The following CLYBL variants were observed in gnomAD, a reference collection of about 807,000 sequenced individuals.
CLYBL encodes the protein citramalyl-CoA lyase, mitochondrial.
A neutral mutation model predicts 38.9 loss-of-function variants in CLYBL; 31 were observed. That is an observed-to-expected ratio of 0.80 (90% confidence interval 0.60 to 1.08). CLYBL has a LOEUF of 1.08. CLYBL is among the 50% of genes least tolerant of loss of function. The pLI is 0.00. For missense variants in CLYBL, 434 were observed against 411.6 expected (o/e 1.05, Z -0.47); for synonymous variants, 171 against 158.6 (o/e 1.08, Z -0.59).
intron 2 of CLYBL, among the ~76,000 whole-genome samples, chr13:99,774,334 A>C (rs1022979933): frequency 1.3e-5 from 2 of 152,186 alleles, no homozygotes; most frequent in African/African-American, 2.4e-5. Flanking sequence ...GTTTTGCTCA[A>C]CTTTGTTTTC....
At chr13:99,735,946 T>G (rs2048658933) in intron 1 of CLYBL, among the ~76,000 whole-genome samples, 1 of 151,968 alleles carries the variant, frequency 6.6e-6, no homozygotes, top group Non-Finnish European at 1.5e-5. Flanking sequence ...ATATCTCTTT[T>G]CAACACAATT....
chr13:99,777,250 T>C (rs1382352955), intron 2 of CLYBL, among the ~76,000 whole-genome samples: 1 of 152,168 alleles, frequency 6.6e-6, no homozygotes, highest in African/African-American at 2.4e-5. Context: ...ATCCAATCTT[T>C]TCACGCAGAT....
At chr13:99,622,201 C>T (rs150692177) in intron 1 of CLYBL, among the ~76,000 whole-genome samples, 5 of 152,364 alleles carry the variant, frequency 3.3e-5, no homozygotes, top group East Asian at 1.9e-4. Flanking sequence ...CAGGGCCAGT[C>T]GCCCCAACTC....
downstream of CLYBL, among the ~76,000 whole-genome samples, chr13:99,898,987 G>A (rs1396838742): frequency 6.6e-6 from 1 of 152,192 alleles, no homozygotes; most frequent in Non-Finnish European, 1.5e-5. Context: ...ATCAGGACCT[G>A]AGTCTCCCTC....
Position 99,720,653 on chromosome 13 carries a change from A to G in CLYBL, c.63-52171A>G, listed in dbSNP as rs188739052. ...TTAGTTGCGTTCAAGGCTAAAAGCT[A>G]TATTCTCTCAATACTTTGAAAATAC... On this transcript the variant is annotated intron_variant, in intron 1 of 8. Transcript: ENST00000339105. 3.3e-5 allele frequency among the ~76,000 whole-genome samples: 5 copies of G among 152,330 alleles called. No homozygotes were observed. The East Asian group carries it at 9.6e-4, about 29-fold the overall frequency.
chr13:99,736,038 CTTTTTTTTTTTTTT>C (rs767129851), intron 1 of CLYBL, among the ~76,000 whole-genome samples: 3 of 76,198 alleles, frequency 3.9e-5, no homozygotes, highest in Admixed American at 1.9e-4. Context: ...CGTTTCTTTT[CTTTTTTTTTTTTTT>C]TTTTTTTTTT....
chr13:99,645,545 C>T (rs961587784), intron 1 of CLYBL, among the ~76,000 whole-genome samples: 7 of 150,920 alleles, frequency 4.6e-5, no homozygotes, highest in African/African-American at 1.5e-4. Flanking sequence ...GATATCTTAC[C>T]GTAGTTTTGA....
chr13:99,861,555 A>G (rs1007831849), intron 3 of CLYBL, among the ~76,000 whole-genome samples: 8 of 152,204 alleles, frequency 5.3e-5, no homozygotes, highest in Non-Finnish European at 1.2e-4. Flanking sequence ...CAAATACTAT[A>G]CATTTTATCC....
intron 2 of CLYBL, among the ~76,000 whole-genome samples, chr13:99,822,444 C>T (rs1029649169): frequency 2.0e-5 from 3 of 152,116 alleles, no homozygotes; most frequent in African/African-American, 7.2e-5. Context: ...AGCTGAAAGT[C>T]CCTTTAAGTT....
At chr13:99,811,477 G>A (rs545296088) in intron 2 of CLYBL, among the ~76,000 whole-genome samples, 1 of 152,306 alleles carries the variant, frequency 6.6e-6, no homozygotes, top group South Asian at 2.1e-4. Flanking sequence ...CAATGTCCCT[G>A]TTAACTTGGG....
chr13:99,871,678 A>G (rs967562444), intron 7 of CLYBL, among the ~76,000 whole-genome samples: 8 of 152,182 alleles, frequency 5.3e-5, no homozygotes, highest in African/African-American at 1.9e-4. Flanking sequence ...TAAATATTGC[A>G]GTGGTAATGC....
chr13:99,709,987 T>G (rs9585200), intron 1 of CLYBL, among the ~76,000 whole-genome samples: 38,891 of 145,834 alleles, frequency 0.27, 6,852 homozygotes, highest in African/African-American at 0.51. Context: ...GCAGTGGCGC[T>G]ATCTGGGCTC....
At chr13:99,738,040 G>C (rs561675190) in intron 1 of CLYBL, among the ~76,000 whole-genome samples, 49 of 152,238 alleles carry the variant, frequency 3.2e-4, no homozygotes, top group African/African-American at 9.9e-4. Flanking sequence ...AATTGCCTCC[G>C]GGACATTTTA....
intron 2 of CLYBL, among the ~76,000 whole-genome samples, chr13:99,783,530 C>G (rs961054528): frequency 2.0e-5 from 3 of 151,672 alleles, no homozygotes; most frequent in African/African-American, 7.3e-5. Flanking sequence ...GATCTCAGCT[C>G]ACTGCAAGCA....
intron 7 of CLYBL, among the ~76,000 whole-genome samples, chr13:99,888,433 T>G (rs2052405854): frequency 6.6e-6 from 1 of 152,140 alleles, no homozygotes; most frequent in Non-Finnish European, 1.5e-5. Flanking sequence ...CTATTATTAT[T>G]ACAGTAGCAT....
intron 2 of CLYBL, among the ~76,000 whole-genome samples, chr13:99,783,128 C>T (rs1380607895): frequency 9.2e-5 from 14 of 151,844 alleles, no homozygotes; most frequent in Admixed American, 2.6e-4. Flanking sequence ...CTGTAACCTC[C>T]GCCTCCTGGG....
At chr13:99,854,939 C>A (rs577848929) in intron 2 of CLYBL, among the ~76,000 whole-genome samples, 1 of 152,056 alleles carries the variant, frequency 6.6e-6, no homozygotes, top group Non-Finnish European at 1.5e-5. Flanking sequence ...CAGCATGGCA[C>A]GAAATATCGA....
chr13:99,834,918 C>T (rs1235822291), intron 2 of CLYBL, among the ~76,000 whole-genome samples: 2 of 152,176 alleles, frequency 1.3e-5, no homozygotes, highest in Admixed American at 6.5e-5. Context: ...CCTAAGCAAA[C>T]ACCTCTAAAC....
At chr13:99,608,887 CTCTTTG>C (rs2046578820) in intron 1 of CLYBL, among the ~76,000 whole-genome samples, 1 of 68,136 alleles carries the variant, frequency 1.5e-5, no homozygotes, top group South Asian at 7.5e-4. Flanking sequence ...GCTTGATTTT[CTCTTTG>C]TCTTGGTCTT....
Sources: allele counts gnomAD v4.1 joint callset (sites outside exome capture counted in the v4.1 genomes callset), GRCh38; gene constraint gnomAD v4.1.1; transcripts MANE v1.5; gene names NCBI Gene and HGNC (gene_info 2026-07-23, HGNC 2026-07-21).